IL15: variants seen among roughly 807,000 people sequenced by gnomAD.
IL15 encodes the protein interleukin 15.
IL15 carries 11 observed loss-of-function variants against 19.6 expected under a neutral mutation model. The ratio of observed to expected loss-of-function variants is 0.56; its 90% CI spans 0.35 to 0.93. The LOEUF (loss-of-function observed/expected upper bound fraction) is 0.93, where lower values mean the gene tolerates loss of function less well. Among genes scored for constraint, IL15 ranks in the 40% least tolerant of loss-of-function variants. The pLI, the probability that IL15 is intolerant of heterozygous loss-of-function variation, is 0.01. For missense variants in IL15, 197 were observed against 186.5 expected (o/e 1.06, Z -0.33); for synonymous variants, 58 against 59.6 (o/e 0.97, Z 0.12).
chr4:141,655,787 T>C (rs567050967), intron 1 of IL15, among the ~76,000 whole-genome samples: 1 of 152,356 alleles, frequency 6.6e-6, no homozygotes, highest in African/African-American at 2.4e-5. Context: ...TACAACTTAT[T>C]TTCAACACCT....
chr4:141,640,626 A>G (rs534774247), intron 1 of IL15, among the ~76,000 whole-genome samples: 6 of 152,336 alleles, frequency 3.9e-5, no homozygotes, highest in African/African-American at 1.4e-4. Flanking sequence ...GAGGAGAAAA[A>G]GAGGCTCTTT....
intron 2 of IL15, among the ~76,000 whole-genome samples, chr4:141,675,211 A>C (rs1477840931): frequency 6.6e-6 from 1 of 152,174 alleles, no homozygotes; most frequent in East Asian, 1.9e-4. Context: ...GGAAAAAGTT[A>C]AGTGTGACAC....
At chr4:141,729,759 G>T in intron 6 of IL15, 88 bp from the exon 7 acceptor site, 5 of 723,540 alleles carry the variant, frequency 6.9e-6, no homozygotes, top group South Asian at 1.9e-5. Flanking sequence ...TAAAATATTT[G>T]GATTGACTTT....
At chr4:141,682,084 G>T (rs1311073931) in intron 2 of IL15, among the ~76,000 whole-genome samples, 1 of 152,296 alleles carries the variant, frequency 6.6e-6, no homozygotes, top group Admixed American at 6.5e-5. Context: ...CTCTACTGTA[G>T]AGATCATTAA....
chr4:141,690,548 A>G (rs1728877048), intron 2 of IL15, among the ~76,000 whole-genome samples: 1 of 152,194 alleles, frequency 6.6e-6, no homozygotes, highest in Non-Finnish European at 1.5e-5. Flanking sequence ...TATTCCAATC[A>G]GTTTCCTCTT....
chr4:141,667,659 G>C (rs1728036722), intron 2 of IL15, among the ~76,000 whole-genome samples: 1 of 151,910 alleles, frequency 6.6e-6, no homozygotes, highest in Non-Finnish European at 1.5e-5. Context: ...CTGCTTTCCG[G>C]GGCTCTGTTT....
intron 1 of IL15, among the ~76,000 whole-genome samples, chr4:141,642,406 C>T: frequency 6.6e-6 from 1 of 152,146 alleles, no homozygotes; most frequent in South Asian, 2.1e-4. Flanking sequence ...TAGGGTATGC[C>T]AGAGGTGCGT....
intron 4 of IL15, chr4:141,721,180 A>G (rs756715811): frequency 1.5e-4 from 160 of 1,060,292 alleles, no homozygotes; most frequent in Non-Finnish European, 2.2e-4. Context: ...TTGTGCAGGT[A>G]ATTCTTCATC....
At chr4:141,639,349 C>T (rs919183803) in intron 1 of IL15, among the ~76,000 whole-genome samples, 20 of 152,228 alleles carry the variant, frequency 1.3e-4, no homozygotes, top group African/African-American at 4.8e-4. Flanking sequence ...TTGTATGGTA[C>T]TTGTGCAATT....
At chr4:141,705,732 T>A (rs917956315) in intron 2 of IL15, among the ~76,000 whole-genome samples, 8 of 152,058 alleles carry the variant, frequency 5.3e-5, no homozygotes, top group African/African-American at 1.4e-4. Context: ...TCTAATAATA[T>A]TTGCTTTAGA....
intron 2 of IL15, among the ~76,000 whole-genome samples, chr4:141,711,483 A>G (rs943656057): frequency 6.6e-6 from 1 of 152,122 alleles, no homozygotes; most frequent in African/African-American, 2.4e-5. Flanking sequence ...TCTGTTTATA[A>G]TATAAACAAA....
rs747138870 is a variant in IL15 at position 141,732,770 on chromosome 4, G to A, written c.411G>A (p.Glu137=). 2.5e-6 allele frequency: 4 copies of A among 1,612,534 alleles called. No homozygotes were observed. The East Asian group carries it at 8.9e-5, about 36-fold the overall frequency. ...CAGAATCTGGATGCAAAGAATGTGA[G>A]GAACTGGAGGAAAAAAATATTAAAG... ...NVTESGCKEC[E]ELEEKNIKEF... is the part of the protein sequence containing the mutation. The change falls in exon 8 of 8, where the codon GAG becomes GAA. Residue 137 remains glutamate, a synonymous_variant. Coordinates refer to ENST00000320650, the MANE Select transcript of IL15 (RefSeq NM_000585.5).
At chr4:141,686,567 A>G (rs1728720529) in intron 2 of IL15, among the ~76,000 whole-genome samples, 1 of 152,120 alleles carries the variant, frequency 6.6e-6, no homozygotes, top group Non-Finnish European at 1.5e-5. Flanking sequence ...GAGTGTGGTA[A>G]TGACAGTGCC....
rs1730049724 is a variant in IL15, at chr4:141,720,791, C to T, written c.110+225C>T. The stretch of plus-strand genomic sequence containing the variant: ...TAGTCCAAACAAGCATTATAGCCCT[C>T]AAATAAATTGGGCCTTTTGATATTT... On this transcript the variant is annotated intron_variant, in intron 4 of 7. Coordinates refer to ENST00000320650, the MANE Select transcript of IL15 (RefSeq NM_000585.5). 2.0e-5 allele frequency: 11 copies of T among 559,938 alleles called. No homozygotes were observed. In the South Asian group the frequency reaches 2.5e-4, roughly 13 times the overall value. 34.7% of individuals were successfully genotyped at this position (559,938 alleles called of 1,614,324 possible).
At position 141,685,633 on chromosome 4, in the gene IL15, T is replaced by C. The variant is rs897130319; in HGVS notation, c.-100+29326T>C. On this transcript the variant is annotated intron_variant, in intron 2 of 7. Transcript: ENST00000320650. ...GCTCTTCAGAATGCCAGTGACATCATAGGTACTCAGAAAACATCTGTTAAT... is the reference window on the plus strand; with the variant it reads ...GCTCTTCAGAATGCCAGTGACATCACAGGTACTCAGAAAACATCTGTTAAT... Among the ~76,000 whole-genome samples the C allele has an allele frequency of 3.3e-5, 5 of 152,216 alleles. No homozygotes were observed. The South Asian group carries it at 6.2e-4, about 19-fold the overall frequency.
chr4:141,688,761 A>G (rs917031546), intron 2 of IL15: 4 of 152,272 alleles, frequency 2.6e-5, no homozygotes, highest in Admixed American at 2.6e-4. Context: ...CCAGCCTCCC[A>G]AACTTAACAT....
intron 2 of IL15, among the ~76,000 whole-genome samples, chr4:141,708,228 G>GTGCCA (rs1729591205): frequency 6.6e-6 from 1 of 152,178 alleles, no homozygotes; most frequent in African/African-American, 2.4e-5. Context: ...AGATAGTGGT[G>GTGCCA]TGCCATGTGA....
At position 141,668,285 on chromosome 4, in the gene IL15, C is replaced by G. The variant is rs72946469; in HGVS notation, c.-100+11978C>G. Among the ~76,000 whole-genome samples the G allele has an allele frequency of 3.5e-3, 535 of 152,304 alleles. 2 individuals carry two copies. Among genetic ancestry groups the G allele is most frequent in the African/African-American group, 0.012 (502 of 41,554 alleles). The stretch of plus-strand genomic sequence containing the variant: ...CTCTCCTGTGCCTCAGCCTACCTCC[C>G]TGGGCCAGGTGTCTCTGATGTGGTG... On this transcript the variant is annotated intron_variant, in intron 2 of 7. Transcript: ENST00000320650.
intron 2 of IL15, among the ~76,000 whole-genome samples, chr4:141,701,933 T>A (rs1729334906): frequency 6.6e-6 from 1 of 152,202 alleles, no homozygotes; most frequent in African/African-American, 2.4e-5. Context: ...GGCCTGAATA[T>A]GGAGAGTACT....
Sources: allele counts gnomAD v4.1 joint callset (sites outside exome capture counted in the v4.1 genomes callset), GRCh38; gene constraint gnomAD v4.1.1; transcripts MANE v1.5; gene names NCBI Gene and HGNC (gene_info 2026-07-23, HGNC 2026-07-21).